Variants in RBP4 observed in about 807,000 individuals in gnomAD.
RBP4 encodes the protein retinol-binding protein 4.
RBP4 carries 9 observed loss-of-function variants against 26.2 expected under a neutral mutation model. The observed-to-expected ratio is 0.34, with a 90% CI of 0.21 to 0.60. The LOEUF is 0.60. RBP4 is among the 20% of genes least tolerant of loss of function. RBP4 has a pLI of 0.80. For synonymous variants in RBP4, 114 were observed against 111.0 expected (o/e 1.03, Z -0.17); for missense variants, 244 against 271.3 (o/e 0.90, Z 0.71).
At chr10:93,601,067 T>C in intron 1 of RBP4, 21 bp from the exon 2 acceptor site, 1 of 1,600,700 alleles carries the variant, frequency 6.2e-7, no homozygotes, top group Non-Finnish European at 8.5e-7. Context: ...CGCGCCTCCG[T>C]CAGTGCCCGG....
chr10:93,596,583 C>T (rs1564789433), intron 4 of RBP4, among the ~76,000 whole-genome samples: 2 of 152,310 alleles, frequency 1.3e-5, no homozygotes, highest in East Asian at 1.9e-4. Flanking sequence ...GGACAGAGAG[C>T]GTTGGAGGCA....
intron 5 of RBP4, among the ~76,000 whole-genome samples, chr10:93,593,515 G>A (rs1360409882): frequency 6.6e-6 from 1 of 152,068 alleles, no homozygotes; most frequent in African/African-American, 2.4e-5. Flanking sequence ...TGGTTTTTTG[G>A]GGCAGTGTAG....
At chr10:93,600,895 G>T (rs777065564) in intron 2 of RBP4, 23 bp downstream of exon 2, 155 of 1,611,376 alleles carry the variant, frequency 9.6e-5, no homozygotes, top group Non-Finnish European at 1.3e-4. Flanking sequence ...TGGGCCGCCT[G>T]GGCCCCCTGG....
chr10:93,591,872 A>T lies in RBP4; in HGVS notation c.*203T>A. ...GGGTGACTATAGTTTAATGAATCAG[A>T]GTCTGGAATCTTAAGCCCCAGAAAC... On this transcript the variant is annotated 3_prime_UTR_variant, in exon 6 of 6. Coordinates refer to ENST00000371464, the MANE Select transcript of RBP4 (RefSeq NM_006744.4). 1 of 595,504 alleles carries T rather than the reference A, an allele frequency of 1.7e-6. No homozygotes were observed. Among genetic ancestry groups the T allele is most frequent in the Non-Finnish European group, 3.0e-6 (1 of 335,364 alleles). 36.9% of individuals were successfully genotyped at this position (595,504 alleles called of 1,614,324 possible).
In RBP4 at chr10:93,601,002, C is replaced by A. The variant is rs773777925; in HGVS notation, c.27G>T (p.Leu9=). 1 of 1,611,958 alleles carries A rather than the reference C, an allele frequency of 6.2e-7. No homozygotes were observed. Among genetic ancestry groups the A allele is most frequent in the Non-Finnish European group, 8.5e-7 (1 of 1,179,710 alleles). ...CGCGGCCGCTGCCCAGCGCCGCCAA[C>A]AGCAAGAGCGCCCACACCCACTTCA... The part of the protein sequence containing the change: MKWVWALL[L]LAALGSGRAE... Residue 9 remains leucine, a synonymous_variant, in exon 2 of 6, where the codon CTG becomes CTT. Transcript: ENST00000371464.
intron 4 of RBP4, 90 bp from the exon 5 acceptor site, chr10:93,594,125 G>A (rs2058287452): frequency 8.3e-7 from 1 of 1,206,380 alleles, no homozygotes; most frequent in Non-Finnish European, 1.2e-6. Flanking sequence ...TGAGAACACA[G>A]TGACTTCCAG....
intron 4 of RBP4, among the ~76,000 whole-genome samples, chr10:93,595,036 G>A (rs764483086): frequency 6.6e-6 from 1 of 152,026 alleles, no homozygotes; most frequent in South Asian, 2.1e-4. Context: ...CACTACTTGC[G>A]GCTGAGGCGG....
At chr10:93,593,595 T>C (rs1184894496) in intron 5 of RBP4, among the ~76,000 whole-genome samples, 1 of 152,092 alleles carries the variant, frequency 6.6e-6, no homozygotes, top group Non-Finnish European at 1.5e-5. Context: ...GCAGTGTTAG[T>C]GCCAGTGAAC....
intron 5 of RBP4, among the ~76,000 whole-genome samples, chr10:93,592,825 A>T (rs55964695): frequency 0.15 from 21,835 of 146,774 alleles, 1,580 homozygotes; most frequent in South Asian, 0.28. Context: ...TATTATTATT[A>T]TTATTTTTTT....
upstream of RBP4, chr10:93,601,302 G>A: frequency 8.2e-7 from 1 of 1,217,044 alleles, no homozygotes; most frequent in Non-Finnish European, 1.0e-6. Context: ...TCGTAACCGC[G>A]CGGGGTGAAA....
In RBP4 at chr10:93,600,677, G is replaced by A. The variant is rs2058330765; in HGVS notation, c.238C>T (p.Arg80Cys). 4 of 1,611,700 alleles carry A rather than the reference G, an allele frequency of 2.5e-6. No individual in the cohort carries two copies. The South Asian group carries it at 3.3e-5, about 13-fold the overall frequency. ...QMSATAKGRVRLLNNWDVCAD... is the reference protein window; with the variant it reads ...QMSATAKGRVCLLNNWDVCAD... ...CCGGCGGCCACTGACTTCAAAAGAC[G>A]GACTCGGCCCTTGGCTGTGGCGCTC... The change falls in exon 3 of 6, where the codon CGT (arginine) becomes TGT (cysteine). Residue 80 changes from arginine to cysteine, a missense_variant. Arg to Cys is a radical substitution (Grantham distance 180). Coordinates refer to ENST00000371464, the MANE Select transcript of RBP4 (RefSeq NM_006744.4).
At chr10:93,593,762 C>T (rs2058282335) in intron 5 of RBP4, 61 bp downstream of exon 5, 3 of 1,549,800 alleles carry the variant, frequency 1.9e-6, no homozygotes, top group Non-Finnish European at 2.7e-6. Context: ...GCACGTGGGC[C>T]CCTTAGTCCA....
At chr10:93,597,779 C>T (rs11187546) in intron 4 of RBP4, among the ~76,000 whole-genome samples, 1,681 of 152,220 alleles carry the variant, frequency 0.011, 27 homozygotes, top group African/African-American at 0.038. Flanking sequence ...TAAACACATC[C>T]GTTTGGTGAG....
intron 5 of RBP4, among the ~76,000 whole-genome samples, chr10:93,592,962 C>T (rs1275802787): frequency 6.6e-6 from 1 of 152,066 alleles, no homozygotes; most frequent in Non-Finnish European, 1.5e-5. Context: ...GGATTACAGG[C>T]GCATGCCACC....
chr10:93,593,919 C>A lies in RBP4; in HGVS notation c.472G>T (p.Asp158Tyr), dbSNP rs765499399. ...GCTTCTGGGGGCAGGCCGTTGGGGT[C>A]CCGGGAAAACACGAAGGAGTAGCTG... is the stretch of plus-strand genomic sequence containing the variant. ...ADSYSFVFSR[D>Y]PNGLPPEAQK... Residue 158 changes from aspartate to tyrosine, a missense_variant, in exon 5 of 6, where the codon GAC becomes TAC. Physicochemically the swap from Asp to Tyr is radical, Grantham distance 160. Coordinates refer to ENST00000371464, the MANE Select transcript of RBP4 (RefSeq NM_006744.4). The A allele has an allele frequency of 2.5e-6, 4 of 1,613,894 alleles. No homozygotes were observed. The highest frequency in any genetic ancestry group is 4.5e-5 in the East Asian group (2 of 44,876).
At chr10:93,601,323 G>T (rs947829039), upstream of RBP4, 2 of 1,219,754 alleles carry the variant, frequency 1.6e-6, no homozygotes, top group African/African-American at 3.2e-5. Flanking sequence ...GACCGAAGGG[G>T]AGGCGCCGGG....
At chr10:93,601,645 C>G (rs1355975524), upstream of RBP4, 5 of 776,830 alleles carry the variant, frequency 6.4e-6, no homozygotes, top group Non-Finnish European at 1.2e-5. Context: ...TGCCCAGGCC[C>G]TGGCCATGCC....
chr10:93,601,014 C>G lies in RBP4; in HGVS notation c.15G>C (p.Trp5Cys). Residue 5 changes from tryptophan to cysteine, a missense_variant, in exon 2 of 6, where the codon TGG (tryptophan) becomes TGC (cysteine). By Grantham distance (215) the Trp-to-Cys change is radical. Transcript: ENST00000371464. The stretch of plus-strand genomic sequence containing the variant: ...CCAGCGCCGCCAACAGCAAGAGCGC[C>G]CACACCCACTTCATCTTGCCCAGGA... Reference protein sequence around the residue: MKWVWALLLLAALGS... With the variant: MKWVCALLLLAALGS... The G allele has an allele frequency of 5.6e-6, 9 of 1,611,474 alleles. No homozygotes were observed. The highest frequency in any genetic ancestry group is 1.1e-5 in the South Asian group (1 of 91,074).
intron 5 of RBP4, among the ~76,000 whole-genome samples, chr10:93,592,674 G>A (rs1472025213): frequency 6.6e-6 from 1 of 152,114 alleles, no homozygotes; most frequent in Non-Finnish European, 1.5e-5. Flanking sequence ...ACGGTGCCCT[G>A]CTGTGGTGGA....
Sources: gnomAD v4.1 joint callset for allele counts (sites outside exome capture counted in the v4.1 genomes callset) on GRCh38, gnomAD v4.1.1 for gene constraint, MANE v1.5 for transcripts, NCBI Gene and HGNC (gene_info 2026-07-23, HGNC 2026-07-21) for gene names.